Variants in XPR1 observed in about 807,000 individuals in gnomAD.
The protein encoded by XPR1 is solute carrier family 53 member 1.
A neutral mutation model predicts 87.5 loss-of-function variants in XPR1; 28 were observed. That is an observed-to-expected ratio of 0.32 (90% CI 0.24 to 0.44). The LOEUF is 0.44. Ranked by LOEUF, XPR1 falls within the 20% of genes least tolerant of loss-of-function variation. XPR1 has a pLI of 1.00. For synonymous variants in XPR1, 300 were observed against 306.1 expected, an observed-to-expected ratio of 0.98 and a Z score of 0.21; for missense variants, 559 against 862.3, an observed-to-expected ratio of 0.65 and a Z score of 4.41.
intron 2 of XPR1, among the ~76,000 whole-genome samples, chr1:180,710,509 G>A (rs373617143): frequency 2.0e-5 from 3 of 152,072 alleles, no homozygotes; most frequent in Non-Finnish European, 4.4e-5. Flanking sequence ...AGAGAGCACC[G>A]GGTTGGGGGT....
At chr1:180,698,985 C>T (rs546389730) in intron 2 of XPR1, among the ~76,000 whole-genome samples, 154 of 152,184 alleles carry the variant, frequency 1.0e-3, no homozygotes, top group African/African-American at 3.0e-3. Flanking sequence ...ATATGCTTGG[C>T]GGAGGACCTT....
chr1:180,873,973 A>G (rs781164558), intron 13 of XPR1, 31 bp downstream of exon 13: 2 of 1,593,970 alleles, frequency 1.3e-6, no homozygotes, highest in Non-Finnish European at 1.7e-6. Flanking sequence ...TTTATTAAAG[A>G]TTCTTTTTAA....
chr1:180,764,323 G>A (rs1042036105), intron 2 of XPR1, among the ~76,000 whole-genome samples: 3 of 151,942 alleles, frequency 2.0e-5, no homozygotes, highest in Non-Finnish European at 4.4e-5. Context: ...TTATTTCCAA[G>A]ATACCTCATT....
intron 2 of XPR1, among the ~76,000 whole-genome samples, chr1:180,758,458 C>A (rs1243358549): frequency 4.6e-5 from 7 of 152,080 alleles, no homozygotes; most frequent in Non-Finnish European, 8.8e-5. Context: ...CCTGTAATCC[C>A]AGCACTTGGG....
chr1:180,785,373 G>C (rs756539420), intron 2 of XPR1, among the ~76,000 whole-genome samples: 4 of 151,988 alleles, frequency 2.6e-5, no homozygotes, highest in Non-Finnish European at 5.9e-5. Flanking sequence ...GGTCAGGCTG[G>C]TCTCGAACTC....
At chr1:180,842,448 C>A (rs1651549736) in intron 11 of XPR1, among the ~76,000 whole-genome samples, 1 of 152,090 alleles carries the variant, frequency 6.6e-6, no homozygotes, top group Admixed American at 6.5e-5. Flanking sequence ...AGCTAGCACT[C>A]ACTTATATTA....
chr1:180,740,288 G>GT (rs1407075819), intron 2 of XPR1, among the ~76,000 whole-genome samples: 2 of 152,034 alleles, frequency 1.3e-5, no homozygotes, highest in Non-Finnish European at 2.9e-5. Context: ...TTTGCTGCAG[G>GT]TTTTTTCCCC....
intron 2 of XPR1, among the ~76,000 whole-genome samples, chr1:180,781,617 CT>C (rs1307982456): frequency 1.3e-5 from 2 of 150,108 alleles, no homozygotes; most frequent in Admixed American, 1.3e-4. Flanking sequence ...TTAAACACCC[CT>C]GGTTTTATTT....
intron 2 of XPR1, among the ~76,000 whole-genome samples, chr1:180,776,555 T>C (rs1384907062): frequency 6.6e-6 from 1 of 152,096 alleles, no homozygotes; most frequent in Non-Finnish European, 1.5e-5. Context: ...TTACATTGTT[T>C]ATAATTATTT....
At position 180,873,959 on chromosome 1, in the gene XPR1, A is replaced by G; in HGVS notation, c.1808+17A>G. 2 of 1,602,360 alleles carry G rather than the reference A, an allele frequency of 1.2e-6. 1 individual carries two copies. Among genetic ancestry groups the G allele is most frequent in the South Asian group, 2.3e-5 (2 of 88,806 alleles). Reference sequence around the variant, plus strand: ...GGTTTTCCGGTAAGCAAACTACTGAAAAGTTTATTAAAGATTCTTTTTAAC... The same window carrying G: ...GGTTTTCCGGTAAGCAAACTACTGAGAAGTTTATTAAAGATTCTTTTTAAC... On this transcript the variant is annotated intron_variant, in intron 13 of 14. Coordinates refer to ENST00000367590, the MANE Select transcript of XPR1 (RefSeq NM_004736.4).
chr1:180,751,312 T>G (rs770782916), intron 2 of XPR1, among the ~76,000 whole-genome samples: 5 of 152,024 alleles, frequency 3.3e-5, no homozygotes, highest in African/African-American at 4.8e-5. Flanking sequence ...ATTAACAACT[T>G]TAATTTGAGA....
At chr1:180,759,377 TAAA>T (rs951826782) in intron 2 of XPR1, among the ~76,000 whole-genome samples, 4 of 151,698 alleles carry the variant, frequency 2.6e-5, no homozygotes, top group Non-Finnish European at 5.9e-5. Context: ...GTAAGACTAA[TAAA>T]GAAGAAAAGA....
chr1:180,652,377 A>C (rs1655326359), intron 1 of XPR1, among the ~76,000 whole-genome samples: 1 of 152,164 alleles, frequency 6.6e-6, no homozygotes, highest in Non-Finnish European at 1.5e-5. Flanking sequence ...AGAATGAGCT[A>C]TATAGATTTA....
At chr1:180,755,399 G>A (rs779007845) in intron 2 of XPR1, among the ~76,000 whole-genome samples, 1 of 152,180 alleles carries the variant, frequency 6.6e-6, no homozygotes, top group Non-Finnish European at 1.5e-5. Flanking sequence ...AACACTAGGT[G>A]AACTCAGGAT....
chr1:180,703,401 C>G (rs1657428963), intron 2 of XPR1, among the ~76,000 whole-genome samples: 1 of 152,262 alleles, frequency 6.6e-6, no homozygotes, highest in African/African-American at 2.4e-5. Context: ...CTGGATAACG[C>G]ATGCGGGTGC....
intron 9 of XPR1, among the ~76,000 whole-genome samples, chr1:180,828,758 A>G (rs73034735): frequency 0.043 from 6,557 of 152,298 alleles, 506 homozygotes; most frequent in African/African-American, 0.15. Flanking sequence ...TCACATAGCC[A>G]GTGAAGTGAT....
At chr1:180,646,009 T>C (rs1006781197) in intron 1 of XPR1, among the ~76,000 whole-genome samples, 3 of 152,210 alleles carry the variant, frequency 2.0e-5, no homozygotes, top group Admixed American at 6.5e-5. Context: ...GCACATAATA[T>C]ATCCTTATGT....
At chr1:180,742,611 C>T (rs73034884) in intron 2 of XPR1, among the ~76,000 whole-genome samples, 6,606 of 152,030 alleles carry the variant, frequency 0.043, 499 homozygotes, top group African/African-American at 0.15. Flanking sequence ...ATTCTGGTGG[C>T]GTTCCTGAAA....
At chr1:180,683,128 A>G (rs1368874202) in intron 2 of XPR1, among the ~76,000 whole-genome samples, 1 of 106,680 alleles carries the variant, frequency 9.4e-6, no homozygotes, top group Non-Finnish European at 2.0e-5. Flanking sequence ...CCCCCACCCC[A>G]CAACAGTCCC....
Sources: gnomAD v4.1 joint callset for allele counts (sites outside exome capture counted in the v4.1 genomes callset) on GRCh38, gnomAD v4.1.1 for gene constraint, MANE v1.5 for transcripts, NCBI Gene and HGNC (gene_info 2026-07-23, HGNC 2026-07-21) for gene names.